The following GOSR2 variants were observed in gnomAD, a reference collection of about 807,000 sequenced individuals.
GOSR2 encodes the protein golgi SNAP receptor complex member 2.
Under a neutral mutation model 27.9 loss-of-function variants are expected in GOSR2, and 20 were observed. The ratio of observed to expected loss-of-function variants is 0.72; its 90% confidence interval spans 0.50 to 1.04. GOSR2 has a LOEUF of 1.04. GOSR2 is among the 50% of genes least tolerant of loss of function. The pLI is 0.00. For synonymous variants in GOSR2, 91 were observed against 98.8 expected, an observed-to-expected ratio of 0.92 and a Z score of 0.47; for missense variants, 261 against 270.5, an observed-to-expected ratio of 0.97 and a Z score of 0.25.
chr17:46,973,726 A>G (rs1473870783), intron 6 of GOSR2, among the ~76,000 whole-genome samples: 2 of 152,126 alleles, frequency 1.3e-5, no homozygotes, highest in East Asian at 1.9e-4. Flanking sequence ...ACAAGAAAGA[A>G]TCTTGCTTTC....
Position 46,940,594 on chromosome 17 carries a change from G to C in GOSR2, c.*1834G>C, listed in dbSNP as rs768422581. 2 of 1,614,200 alleles carry C rather than the reference G, an allele frequency of 1.2e-6. No individual in the cohort carries two copies. The highest frequency in any genetic ancestry group is 1.6e-4 in the Middle Eastern group (1 of 6,062). ...TGCCAGACAGCACACTTTGGAGGAA[G>C]GTCTGCAGGGAGCAGCTGAGCCATT... On this transcript the variant is annotated 3_prime_UTR_variant, in exon 6 of 6. Coordinates refer to ENST00000640051, the MANE Select transcript of GOSR2 (RefSeq NM_004287.5).
At chr17:46,932,300 G>A in intron 4 of GOSR2, 101 bp downstream of exon 4, 1 of 1,381,480 alleles carries the variant, frequency 7.2e-7, no homozygotes, top group Non-Finnish European at 1.0e-6. Flanking sequence ...GTCTGAAGAA[G>A]ACTGATGATG....
chr17:46,950,549 G>C (rs1284365898), intron 6 of GOSR2, among the ~76,000 whole-genome samples: 1 of 152,232 alleles, frequency 6.6e-6, no homozygotes, highest in Admixed American at 6.5e-5. Flanking sequence ...GGACCAGGCA[G>C]CTTATTAGGC....
Position 46,939,553 on chromosome 17 carries a change from C to G in GOSR2, c.*793C>G. 1 of 985,382 alleles carries G rather than the reference C, an allele frequency of 1.0e-6. No individual in the cohort carries two copies. Among genetic ancestry groups the G allele is most frequent in the South Asian group, 4.7e-5 (1 of 21,276 alleles). The allele number at this position is 985,382 out of a possible 1,614,324, so 61.0% of individuals were successfully genotyped here. On this transcript the variant is annotated 3_prime_UTR_variant, in exon 6 of 6. Coordinates refer to ENST00000640051, the MANE Select transcript of GOSR2 (RefSeq NM_004287.5). ...CGCCCAGGCTTTGTGGGCCTTTGCC[C>G]CTTAGAAAGTAGCTGTAGGCAAAGA...
intron 2 of GOSR2, chr17:46,930,842 C>T (rs1266442656): frequency 2.4e-6 from 1 of 414,270 alleles, no homozygotes; most frequent in Non-Finnish European, 4.3e-6. Context: ...AAATTTATTT[C>T]TACAGATTTA....
At position 46,935,100 on chromosome 17, in the gene GOSR2, C is replaced by T. The variant is rs763426536; in HGVS notation, c.408C>T (p.Gly136=). The T allele has an allele frequency of 6.2e-7, 1 of 1,613,208 alleles. No individual in the cohort carries two copies. Among genetic ancestry groups the T allele is most frequent in the Non-Finnish European group, 8.5e-7 (1 of 1,179,140 alleles). ...FNSSLQKVHN[G]MDDLILDGHN... The stretch of plus-strand genomic sequence containing the variant: ...CCTCCCTCCAGAAAGTTCACAACGG[C>T]ATGGATGACCTCATTTTAGATGGGC... Residue 136 remains glycine, a synonymous_variant, in exon 5 of 6, where the codon GGC becomes GGT. Transcript: ENST00000640051.
intron 6 of GOSR2, among the ~76,000 whole-genome samples, chr17:46,954,248 A>G (rs931802387): frequency 6.6e-6 from 1 of 152,220 alleles, no homozygotes; most frequent in Non-Finnish European, 1.5e-5. Context: ...TCAGCTTTCT[A>G]CATATGGCTA....
At chr17:46,945,853 A>G (rs1414534614), downstream of GOSR2, among the ~76,000 whole-genome samples, 1 of 152,034 alleles carries the variant, frequency 6.6e-6, no homozygotes, top group African/African-American at 2.4e-5. Context: ...AAAAGGTAAA[A>G]CCCTGGAGAT....
intron 5 of GOSR2, 136 bp from the exon 6 acceptor site, chr17:46,938,463 C>T: frequency 1.5e-6 from 2 of 1,349,952 alleles, no homozygotes; most frequent in Non-Finnish European, 2.1e-6. Context: ...CTATTTCTGG[C>T]TGATATTGCT....
chr17:46,936,320 G>A (rs954755204), intron 5 of GOSR2: 2 of 985,316 alleles, frequency 2.0e-6, no homozygotes, highest in Non-Finnish European at 2.4e-6. Flanking sequence ...AGCCAGTGGG[G>A]GTTAGAGCGT....
At chr17:46,934,576 T>C (rs1425671665) in intron 4 of GOSR2, among the ~76,000 whole-genome samples, 1 of 152,046 alleles carries the variant, frequency 6.6e-6, no homozygotes, top group African/African-American at 2.4e-5. Context: ...TAACTCTCAG[T>C]CTACTTGGAG....
chr17:46,952,120 T>C (rs143224963), intron 6 of GOSR2, among the ~76,000 whole-genome samples: 56 of 152,358 alleles, frequency 3.7e-4, no homozygotes, highest in Admixed American at 7.2e-4. Context: ...CAGAAAATTC[T>C]TATAGTGGGT....
chr17:46,932,729 T>A (rs2087598353), intron 4 of GOSR2: 1 of 193,956 alleles, frequency 5.2e-6, no homozygotes, highest in African/African-American at 2.4e-5. Flanking sequence ...GAAAGTGTGT[T>A]GGTTTGCATG....
At chr17:46,929,406 G>A in intron 1 of GOSR2, 114 bp from the exon 2 acceptor site, 1 of 724,610 alleles carries the variant, frequency 1.4e-6, no homozygotes, top group African/African-American at 1.7e-5. Flanking sequence ...TTACAGTTCA[G>A]TGATGCTGTC....
chr17:46,930,504 C>T (rs945888526), intron 2 of GOSR2: 1 of 152,884 alleles, frequency 6.5e-6, no homozygotes, highest in African/African-American at 2.4e-5. Context: ...GGATTCTTTC[C>T]TGGGCCTTTC....
At chr17:46,929,396 T>G (rs1308795545) in intron 1 of GOSR2, 124 bp from the exon 2 acceptor site, 1 of 709,096 alleles carries the variant, frequency 1.4e-6, no homozygotes, top group Admixed American at 2.0e-5. Context: ...CATACAAATT[T>G]TACAGTTCAG....
chr17:46,964,603 A>T (rs530390849), intron 6 of GOSR2: 50 of 152,420 alleles, frequency 3.3e-4, no homozygotes, highest in African/African-American at 1.1e-3. Context: ...CTCAGAGACC[A>T]TCTAGTCCAG....
Position 46,941,231 on chromosome 17 carries a change from G to T in GOSR2, c.*2471G>T, listed in dbSNP as rs1034811729. 6 of 996,138 alleles carry T rather than the reference G, an allele frequency of 6.0e-6. No homozygotes were observed. The highest frequency in any genetic ancestry group is 1.0e-4 in the East Asian group (1 of 9,652). 61.7% of individuals were successfully genotyped at this position (996,138 alleles called of 1,614,324 possible). A position where few individuals can be genotyped will look rare whatever the true frequency, so the allele number is the denominator to read the frequency against. On this transcript the variant is annotated 3_prime_UTR_variant, in exon 6 of 6. Transcript: ENST00000640051. Reference sequence around the variant, plus strand: ...AAGTTAGAGGAGTCTTGATTTTTTAGACTTCACTGCGGAGTTCTGTACACC... The same window carrying T: ...AAGTTAGAGGAGTCTTGATTTTTTATACTTCACTGCGGAGTTCTGTACACC...
In GOSR2 at chr17:46,929,580, G is replaced by A. The variant is rs1397930735; in HGVS notation, c.90G>A (p.Val30=). 4 of 1,475,656 alleles carry A rather than the reference G, an allele frequency of 2.7e-6. No homozygotes were observed. The highest frequency in any genetic ancestry group is 1.1e-5 in the South Asian group (1 of 88,326). 91.4% of individuals were successfully genotyped at this position (1,475,656 alleles called of 1,614,324 possible). ...TGGAGACGGCAGACAAGCAGTCTGT[G>A]CACAGTGAGTAATTAACTGTGGAGA... ...GRLETADKQS[V]HIVENEIQAS... Residue 30 remains valine (V), a synonymous_variant, in exon 2 of 6, where the codon GTG becomes GTA. Coordinates refer to ENST00000640051, the MANE Select transcript of GOSR2 (RefSeq NM_004287.5).
Sources: allele counts gnomAD v4.1 joint callset (sites outside exome capture counted in the v4.1 genomes callset), GRCh38; gene constraint gnomAD v4.1.1; transcripts MANE v1.5; gene names NCBI Gene and HGNC (gene_info 2026-07-23, HGNC 2026-07-21).